Variants in CSNK1G1 observed in about 807,000 individuals in gnomAD.
CSNK1G1 encodes the protein casein kinase I isoform gamma-1.
CSNK1G1 carries 22 observed loss-of-function variants against 59.6 expected under a neutral mutation model. The ratio of observed to expected loss-of-function variants is 0.37; its 90% CI spans 0.26 to 0.53. The LOEUF (loss-of-function observed/expected upper bound fraction) is 0.53. CSNK1G1 is among the 20% of genes least tolerant of loss of function. The pLI, the probability that CSNK1G1 is intolerant of heterozygous loss-of-function variation, is 0.89. For missense variants in CSNK1G1, 384 were observed against 519.5 expected (o/e 0.74, Z 2.54); for synonymous variants, 179 against 177.1 (o/e 1.01, Z -0.08).
chr15:64,349,210 T>C (rs916179514), intron 1 of CSNK1G1, among the ~76,000 whole-genome samples: 22 of 151,830 alleles, frequency 1.4e-4, no homozygotes, highest in African/African-American at 4.8e-5. Flanking sequence ...TAAATACCCC[T>C]TTTTATAGGC....
chr15:64,242,961 A>G (rs751031432), intron 4 of CSNK1G1, among the ~76,000 whole-genome samples: 4 of 152,312 alleles, frequency 2.6e-5, no homozygotes, highest in Non-Finnish European at 5.9e-5. Flanking sequence ...TATCTCATGA[A>G]TAGAATGGAC....
chr15:64,183,738 CTTTTTTT>C (rs917788710), intron 10 of CSNK1G1, among the ~76,000 whole-genome samples: 5 of 141,724 alleles, frequency 3.5e-5, no homozygotes, highest in African/African-American at 1.3e-4. Context: ...TTATGTTTTT[CTTTTTTT>C]TTTTTTTGGA....
chr15:64,304,048 A>G (rs1481292087), intron 1 of CSNK1G1, among the ~76,000 whole-genome samples: 3 of 152,004 alleles, frequency 2.0e-5, no homozygotes, highest in East Asian at 1.9e-4. Flanking sequence ...TGCTGTGTCA[A>G]TTTTCTAATC....
intron 2 of CSNK1G1, among the ~76,000 whole-genome samples, chr15:64,276,685 C>T (rs1048546191): frequency 8.5e-5 from 13 of 152,132 alleles, no homozygotes; most frequent in African/African-American, 2.4e-4. Context: ...GTGGCTCACG[C>T]CTGTAATCCC....
chr15:64,311,266 G>A (rs1032870337), intron 1 of CSNK1G1, among the ~76,000 whole-genome samples: 3 of 151,924 alleles, frequency 2.0e-5, no homozygotes, highest in East Asian at 2.0e-4. Context: ...GGTTAGTCGC[G>A]AACTCCTGTC....
intron 4 of CSNK1G1, among the ~76,000 whole-genome samples, chr15:64,243,097 A>T (rs1300782046): frequency 6.6e-6 from 1 of 152,152 alleles, no homozygotes; most frequent in Non-Finnish European, 1.5e-5. Flanking sequence ...GCACTTTGGG[A>T]GGCTTTGAGG....
chr15:64,342,685 C>A (rs6494475), intron 1 of CSNK1G1: 120,189 of 152,152 alleles, frequency 0.79, 48,749 homozygotes, highest in East Asian at 0.95. Context: ...CTGGTTCGTG[C>A]CTTGGATACA....
intron 2 of CSNK1G1, among the ~76,000 whole-genome samples, chr15:64,278,388 G>A (rs1893893072): frequency 8.3e-6 from 1 of 120,794 alleles, no homozygotes; most frequent in Admixed American, 8.1e-5. Flanking sequence ...GTGTGTGTGT[G>A]TGTGTGTGTG....
chr15:64,175,056 G>A (rs1435488994), intron 11 of CSNK1G1, among the ~76,000 whole-genome samples: 1 of 136,152 alleles, frequency 7.3e-6, no homozygotes, highest in Non-Finnish European at 1.5e-5. Context: ...GCATATAGCA[G>A]GCCCTCAAGT....
intron 6 of CSNK1G1, among the ~76,000 whole-genome samples, chr15:64,213,168 G>A (rs541491485): frequency 6.6e-6 from 1 of 151,936 alleles, no homozygotes; most frequent in African/African-American, 2.4e-5. Context: ...AATCACCTAG[G>A]AGTCTTTTCT....
chr15:64,295,132 A>G (rs1894951375), intron 2 of CSNK1G1, among the ~76,000 whole-genome samples: 1 of 152,108 alleles, frequency 6.6e-6, no homozygotes, highest in Non-Finnish European at 1.5e-5. Flanking sequence ...GCATTTCTGC[A>G]TATGTGTCAC....
chr15:64,261,682 C>T (rs1194796743), intron 2 of CSNK1G1, among the ~76,000 whole-genome samples: 2 of 151,970 alleles, frequency 1.3e-5, no homozygotes, highest in South Asian at 2.1e-4. Context: ...TTACAGCTCA[C>T]ACTTGTAATC....
intron 1 of CSNK1G1, among the ~76,000 whole-genome samples, chr15:64,327,375 CG>C (rs1896906461): frequency 6.6e-6 from 1 of 150,498 alleles, no homozygotes; most frequent in Admixed American, 6.6e-5. Flanking sequence ...CCCTGACCCC[CG>C]AGCAGCCTAA....
intron 1 of CSNK1G1, among the ~76,000 whole-genome samples, chr15:64,317,160 C>T (rs1896318581): frequency 6.6e-6 from 1 of 152,176 alleles, no homozygotes; most frequent in Admixed American, 6.6e-5. Context: ...ATAATCTAGG[C>T]TCACTGCAAC....
chr15:64,211,442 G>A (rs1248417249), intron 6 of CSNK1G1, among the ~76,000 whole-genome samples: 2 of 152,180 alleles, frequency 1.3e-5, no homozygotes, highest in Non-Finnish European at 2.9e-5. Context: ...TGACAGGTTA[G>A]ATTTGACCTG....
intron 1 of CSNK1G1, among the ~76,000 whole-genome samples, chr15:64,352,698 G>A (rs151200107): frequency 0.025 from 3,810 of 150,904 alleles, 50 homozygotes; most frequent in Non-Finnish European, 0.036. Flanking sequence ...GCCCACCTCG[G>A]CCTCCCAAGG....
At position 64,238,494 on chromosome 15, in the gene CSNK1G1, T is replaced by TA. The variant is rs1169739046; in HGVS notation, c.292+13017dup. ...GGTGACAGAGCAAGACCCTGTCCCT[T>TA]AAAAAAAAAAAAAAAAAAAAAAAAA... On this transcript the variant is annotated intron_variant, in intron 4 of 11. Coordinates refer to ENST00000303052, the MANE Select transcript of CSNK1G1 (RefSeq NM_022048.5). Among the ~76,000 whole-genome samples, 398 of 56,418 alleles carry TA rather than the reference T, an allele frequency of 7.1e-3. 8 individuals carry two copies. Among genetic ancestry groups the TA allele is most frequent in the African/African-American group, 0.024 (234 of 9,554 alleles). The allele number at this position is 56,418 out of a possible 152,430, so 37.0% of individuals were successfully genotyped here.
chr15:64,226,019 T>C (rs542602187), intron 4 of CSNK1G1, among the ~76,000 whole-genome samples: 4 of 152,180 alleles, frequency 2.6e-5, no homozygotes, highest in South Asian at 4.1e-4. Flanking sequence ...CTCTGTGGAG[T>C]GTACTTTCAC....
At chr15:64,281,312 C>G (rs1304698409) in intron 2 of CSNK1G1, among the ~76,000 whole-genome samples, 1 of 152,056 alleles carries the variant, frequency 6.6e-6, no homozygotes, top group Non-Finnish European at 1.5e-5. Flanking sequence ...TTCATACAGA[C>G]AGAAAGTAGG....
Sources: gnomAD v4.1 joint callset for allele counts (sites outside exome capture counted in the v4.1 genomes callset) on GRCh38, gnomAD v4.1.1 for gene constraint, MANE v1.5 for transcripts, NCBI Gene and HGNC (gene_info 2026-07-23, HGNC 2026-07-21) for gene names.